SOS1: variants seen among roughly 807,000 people sequenced by gnomAD.
SOS1 encodes the protein SOS Ras/Rac guanine nucleotide exchange factor 1, also known as son of sevenless homolog 1.
In SOS1, 25 loss-of-function variants were observed where a neutral mutation model predicts 157.6. That is an observed-to-expected ratio of 0.16 (90% CI 0.12 to 0.22). The LOEUF (loss-of-function observed/expected upper bound fraction) is 0.22. Among genes scored for constraint, SOS1 ranks in the 10% least tolerant of loss-of-function variants. The pLI is 1.00. For missense variants in SOS1, 1,237 were observed against 1,599.1 expected (o/e 0.77, Z 3.86); for synonymous variants, 528 against 534.0 (o/e 0.99, Z 0.16).
intron 6 of SOS1, among the ~76,000 whole-genome samples, chr2:39,046,855 T>C (rs1036088572): frequency 3.3e-5 from 5 of 152,210 alleles, no homozygotes; most frequent in African/African-American, 1.2e-4. Context: ...TCCCTTTGAG[T>C]AAAACTTTCC....
chr2:38,985,906 G>A lies in SOS1; in HGVS notation c.3920C>T (p.Pro1307Leu). The change falls in exon 23 of 23, where the codon CCA becomes CTA. Residue 1307 changes from proline (P) to leucine (L), a missense_variant. Pro to Leu is a moderately conservative substitution (Grantham distance 98). Around this residue, in one of 15 missense-constraint regions of SOS1, gnomAD observed 306 missense variants for 322.6 expected, o/e 0.95. Coordinates refer to ENST00000402219, the MANE Select transcript of SOS1 (RefSeq NM_005633.4). The stretch of plus-strand genomic sequence containing the variant: ...TGTGTGCTCCCTTTTGTAAGTTTTT[G>A]GAGGGAGTTTAGGGATATGTTGAGA... ...STSQHIPKLP[P>L]KTYKREHTHP... 1 of 1,613,918 alleles carries A rather than the reference G, an allele frequency of 6.2e-7. No individual in the cohort carries two copies. Among genetic ancestry groups the A allele is most frequent in the Admixed American group, 1.7e-5 (1 of 59,982 alleles).
chr2:39,050,255 A>G (rs1558488964), intron 6 of SOS1, among the ~76,000 whole-genome samples: 1 of 152,186 alleles, frequency 6.6e-6, no homozygotes, highest in Non-Finnish European at 1.5e-5. Context: ...TCTTAATGCT[A>G]ACTTATTAGG....
intron 20 of SOS1, among the ~76,000 whole-genome samples, chr2:38,991,476 C>T (rs1290311742): frequency 3.3e-5 from 5 of 152,164 alleles, no homozygotes; most frequent in Non-Finnish European, 7.3e-5. Context: ...GTAAAAAGAG[C>T]ATTTCATCAT....
At chr2:39,041,503 G>A (rs1558483822) in intron 6 of SOS1, among the ~76,000 whole-genome samples, 1 of 152,052 alleles carries the variant, frequency 6.6e-6, no homozygotes, top group Non-Finnish European at 1.5e-5. Flanking sequence ...TCTTGATGGT[G>A]TCCTTTGAAA....
intron 1 of SOS1, 72 bp from the exon 2 acceptor site, chr2:39,067,825 A>T: frequency 6.9e-7 from 1 of 1,444,226 alleles, no homozygotes. Flanking sequence ...ACTTTAAAAA[A>T]TGTGGGTTTG....
chr2:39,118,714 G>A (rs1023909614), intron 1 of SOS1, among the ~76,000 whole-genome samples: 15 of 152,130 alleles, frequency 9.9e-5, no homozygotes, highest in African/African-American at 3.6e-4. Flanking sequence ...TATTCTTCAA[G>A]AAAAGCCGAA....
rs1162412781 is a variant in SOS1, at chr2:38,987,586, C to G, written c.3397G>C (p.Ala1133Pro). The change falls in exon 22 of 23, where the codon GCT (alanine) becomes CCT (proline). Residue 1133 changes from alanine to proline, a missense_variant. This residue lies in a region of SOS1 where 306 missense variants were observed against 322.6 expected (regional missense o/e 0.95). Transcript: ENST00000402219. ...GTTAAACTTATAGATGATACAGAAG[C>G]AGATCCTGTGGGATGTTAAATTTTT... The part of the protein sequence containing the change: ...QVTLPHGPRS[A>P]SVSSISLTKG... 6.8e-7 allele frequency: 1 copy of G among 1,473,600 alleles called. No individual in the cohort carries two copies. The highest frequency in any genetic ancestry group is 1.7e-5 in the Admixed American group (1 of 59,306). 91.3% of individuals were successfully genotyped at this position (1,473,600 alleles called of 1,614,324 possible).
intron 1 of SOS1, among the ~76,000 whole-genome samples, chr2:39,070,611 G>A (rs112989809): frequency 7.9e-5 from 12 of 152,114 alleles, no homozygotes; most frequent in African/African-American, 2.9e-4. Context: ...ATTACCTGTA[G>A]GATAGTTCCA....
rs563298029 is a variant in SOS1, at chr2:38,982,782, A to G, written c.*3042T>C. Reference sequence around the variant, plus strand: ...TAAGCTAAACTTGAGAATTAAGATCATGACCATAAATACCAACTAATTTTT... The same window carrying G: ...TAAGCTAAACTTGAGAATTAAGATCGTGACCATAAATACCAACTAATTTTT... On this transcript the variant is annotated 3_prime_UTR_variant, in exon 23 of 23. Coordinates refer to ENST00000402219, the MANE Select transcript of SOS1 (RefSeq NM_005633.4). The G allele has an allele frequency of 6.6e-6, 1 of 152,316 alleles. No homozygotes were observed. Among genetic ancestry groups the G allele is most frequent in the East Asian group, 1.9e-4 (1 of 5,190 alleles). 9.4% of individuals were successfully genotyped at this position (152,316 alleles called of 1,614,324 possible). A position where few individuals can be genotyped will look rare whatever the true frequency, so the allele number is the denominator to read the frequency against.
chr2:39,032,879 C>T lies in SOS1; in HGVS notation c.1074+2333G>A, dbSNP rs142089050. On this transcript the variant is annotated intron_variant, in intron 8 of 22. Transcript: ENST00000402219. The stretch of plus-strand genomic sequence containing the variant: ...GCTTGGGAAGCTGAGGCAGGAGAAT[C>T]GCTCGAAGCTGGGAGGCAGAGGTTG... Among the ~76,000 whole-genome samples, 985 of 151,908 alleles carry T rather than the reference C, an allele frequency of 6.5e-3. 9 individuals carry two copies. Among genetic ancestry groups the T allele is most frequent in the African/African-American group, 0.022 (930 of 41,444 alleles).
chr2:39,023,621 T>C (rs1311495890), intron 9 of SOS1, among the ~76,000 whole-genome samples: 1 of 152,086 alleles, frequency 6.6e-6, no homozygotes, highest in Non-Finnish European at 1.5e-5. Flanking sequence ...ATGTAGCACA[T>C]ATTATAATCA....
At chr2:39,072,284 A>C (rs72799466) in intron 1 of SOS1, among the ~76,000 whole-genome samples, 186 of 152,116 alleles carry the variant, frequency 1.2e-3, no homozygotes, top group Non-Finnish European at 6.0e-4. Context: ...TGTACTTATA[A>C]TTTTCTCCTT....
At chr2:39,084,684 G>T (rs1672314491) in intron 1 of SOS1, among the ~76,000 whole-genome samples, 1 of 151,968 alleles carries the variant, frequency 6.6e-6, no homozygotes, top group Non-Finnish European at 1.5e-5. Context: ...ATTAGCCATG[G>T]GAAAGACATA....
chr2:39,106,803 A>G, intron 1 of SOS1, among the ~76,000 whole-genome samples: 1 of 152,184 alleles, frequency 6.6e-6, no homozygotes. Flanking sequence ...ACAAGGAGTC[A>G]TCTTCGTGGC....
intron 17 of SOS1, among the ~76,000 whole-genome samples, chr2:39,001,771 C>CAGAT (rs1669106884): frequency 6.6e-6 from 1 of 152,156 alleles, no homozygotes; most frequent in Non-Finnish European, 1.5e-5. Context: ...AAGAATAGCA[C>CAGAT]AGATAGGGCA....
At chr2:39,045,402 T>A (rs1265864865) in intron 6 of SOS1, among the ~76,000 whole-genome samples, 1 of 152,090 alleles carries the variant, frequency 6.6e-6, no homozygotes, top group African/African-American at 2.4e-5. Context: ...ATGATAGCAA[T>A]TTTTTTCATT....
chr2:39,004,341 C>G lies in SOS1; in HGVS notation c.2791+2071G>C, dbSNP rs947875062. Among the ~76,000 whole-genome samples the G allele has an allele frequency of 2.0e-5, 3 of 146,766 alleles. No homozygotes were observed. In the South Asian group the frequency reaches 6.4e-4, roughly 31 times the overall value. ...GGCTGAGGCAGGAGAATGGCGTGAACCTTGCAGTGAGCCGAGATGGCAGCT... is the reference window on the plus strand; with the variant it reads ...GGCTGAGGCAGGAGAATGGCGTGAAGCTTGCAGTGAGCCGAGATGGCAGCT... On this transcript the variant is annotated intron_variant, in intron 17 of 22. Coordinates refer to ENST00000402219, the MANE Select transcript of SOS1 (RefSeq NM_005633.4).
chr2:39,123,388 C>G (rs1356964145), upstream of SOS1, among the ~76,000 whole-genome samples: 1 of 146,778 alleles, frequency 6.8e-6, no homozygotes, highest in African/African-American at 2.5e-5. Flanking sequence ...GAGACAGAGT[C>G]TCATTTTGTT....
At chr2:39,009,355 A>C (rs1669386875) in intron 15 of SOS1, among the ~76,000 whole-genome samples, 1 of 152,224 alleles carries the variant, frequency 6.6e-6, no homozygotes, top group African/African-American at 2.4e-5. Context: ...ATTTGTTGCT[A>C]GCCCACCCTC....
Sources: allele counts gnomAD v4.1 joint callset (sites outside exome capture counted in the v4.1 genomes callset), GRCh38; gene constraint gnomAD v4.1.1; regional missense constraint gnomAD v4.1.1; transcripts MANE v1.5; gene names NCBI Gene and HGNC (gene_info 2026-07-23, HGNC 2026-07-21).